FNIP2: variants seen among roughly 807,000 people sequenced by gnomAD.
FNIP2 encodes folliculin-interacting protein 2.
Under a neutral mutation model 108.7 loss-of-function variants are expected in FNIP2, and 32 were observed. That is an observed-to-expected ratio of 0.29 (90% CI 0.22 to 0.40). The LOEUF (loss-of-function observed/expected upper bound fraction) is 0.40. Ranked by LOEUF, FNIP2 falls within the 10% of genes least tolerant of loss-of-function variation. The pLI, the probability that FNIP2 is intolerant of heterozygous loss-of-function variation, is 1.00. For missense variants in FNIP2, 1,202 were observed against 1,381.6 expected, an observed-to-expected ratio of 0.87 and a Z score of 2.06; for synonymous variants, 480 against 496.7, an observed-to-expected ratio of 0.97 and a Z score of 0.45.
chr4:158,776,166 G>C (rs528830183), intron 1 of FNIP2, among the ~76,000 whole-genome samples: 2 of 152,318 alleles, frequency 1.3e-5, no homozygotes, highest in Admixed American at 6.5e-5. Flanking sequence ...AAGTGAGAAT[G>C]AACACTGAGG....
chr4:158,899,708 A>AT (rs1783029187), intron 16 of FNIP2, among the ~76,000 whole-genome samples: 1 of 151,980 alleles, frequency 6.6e-6, no homozygotes, highest in Non-Finnish European at 1.5e-5. Flanking sequence ...CCCCTTTATC[A>AT]TTTTTTGTTG....
intron 14 of FNIP2, 63 bp from the exon 15 acceptor site, chr4:158,891,383 G>A: frequency 6.9e-7 from 1 of 1,458,118 alleles, no homozygotes; most frequent in Non-Finnish European, 9.4e-7. Context: ...TATCAGTAGT[G>A]AAACTTTGAC....
chr4:158,878,951 A>G (rs1781435640), intron 14 of FNIP2, among the ~76,000 whole-genome samples: 1 of 144,568 alleles, frequency 6.9e-6, no homozygotes, highest in Non-Finnish European at 1.5e-5. Context: ...CAGATTAAAT[A>G]CAGCTAAAGA....
Position 158,905,812 on chromosome 4 carries a change from G to T in FNIP2, c.*1268G>T, listed in dbSNP as rs1729788487. On this transcript the variant is annotated 3_prime_UTR_variant, in exon 17 of 17. Transcript: ENST00000264433. The stretch of plus-strand genomic sequence containing the variant: ...TAAAGTAAAAGACTTTTAAATATTG[G>T]TCATTAAAGGACAGGAGCTAAGCTA... 6.6e-6 allele frequency: 1 copy of T among 152,040 alleles called. No homozygotes were observed. The highest frequency in any genetic ancestry group is 2.1e-4 in the South Asian group (1 of 4,822). The allele number at this position is 152,040 out of a possible 1,614,324, so 9.4% of individuals were successfully genotyped here.
At chr4:158,881,430 AC>A in intron 14 of FNIP2, among the ~76,000 whole-genome samples, 1 of 110,736 alleles carries the variant, frequency 9.0e-6, no homozygotes, top group Non-Finnish European at 1.9e-5. Context: ...CTCTCTTTCC[AC>A]GGTCTCCCTC....
chr4:158,890,188 A>G, intron 14 of FNIP2: 3 of 985,366 alleles, frequency 3.0e-6, no homozygotes, highest in Non-Finnish European at 3.6e-6. Context: ...ATAAATGTTG[A>G]ACATCAGACT....
chr4:158,893,594 C>G, intron 15 of FNIP2: 1 of 991,170 alleles, frequency 1.0e-6, no homozygotes, highest in Non-Finnish European at 1.5e-6. Context: ...GACATCTGTC[C>G]TGGGGCAATA....
chr4:158,874,908 G>A (rs902195640), intron 14 of FNIP2, among the ~76,000 whole-genome samples: 13 of 123,590 alleles, frequency 1.1e-4, no homozygotes, highest in African/African-American at 3.5e-4. Context: ...GTGAAACCCC[G>A]TCTCTACTAA....
chr4:158,792,800 C>G (rs1464589802), intron 1 of FNIP2, among the ~76,000 whole-genome samples: 1 of 152,168 alleles, frequency 6.6e-6, no homozygotes, highest in Non-Finnish European at 1.5e-5. Context: ...CTGCAGCACT[C>G]TGCAGCCTTA....
chr4:158,823,432 A>G (rs1444354430), intron 1 of FNIP2, among the ~76,000 whole-genome samples: 2 of 151,970 alleles, frequency 1.3e-5, no homozygotes, highest in African/African-American at 4.8e-5. Flanking sequence ...CGCCTGGCTA[A>G]TTTTTGTATT....
chr4:158,870,248 A>G (rs2126708953), intron 13 of FNIP2, 65 bp from the exon 14 acceptor site: 1 of 1,549,510 alleles, frequency 6.5e-7, no homozygotes, highest in Non-Finnish European at 8.8e-7. Context: ...TGCTTGTACC[A>G]ATTATAATGA....
chr4:158,801,912 T>C (rs956169478), intron 1 of FNIP2, among the ~76,000 whole-genome samples: 1 of 152,194 alleles, frequency 6.6e-6, no homozygotes, highest in African/African-American at 2.4e-5. Flanking sequence ...CAGCCAAGTA[T>C]TGACAGACTT....
chr4:158,857,142 G>A (rs1780030263), intron 8 of FNIP2, among the ~76,000 whole-genome samples: 1 of 152,166 alleles, frequency 6.6e-6, no homozygotes, highest in African/African-American at 2.4e-5. Context: ...ACTGTATTGG[G>A]TTCAGTGTTT....
intron 5 of FNIP2, 120 bp from the exon 6 acceptor site, chr4:158,833,408 A>G: frequency 3.3e-6 from 2 of 609,824 alleles, no homozygotes; most frequent in Admixed American, 6.7e-5. Flanking sequence ...GTTTATAAAG[A>G]AAAGTATTGA....
intron 7 of FNIP2, among the ~76,000 whole-genome samples, chr4:158,845,082 G>A (rs1779327045): frequency 6.6e-6 from 1 of 152,144 alleles, no homozygotes; most frequent in South Asian, 2.1e-4. Context: ...TCTTCTTAAT[G>A]CACAAAACTG....
At chr4:158,857,780 C>CAAAAA (rs35070873) in intron 8 of FNIP2, among the ~76,000 whole-genome samples, 19 of 137,100 alleles carry the variant, frequency 1.4e-4, no homozygotes, top group South Asian at 9.8e-4. Context: ...CCATCTCTAC[C>CAAAAA]AAAAAAAAAA....
intron 12 of FNIP2, among the ~76,000 whole-genome samples, chr4:158,865,220 G>C (rs1009408327): frequency 6.6e-6 from 1 of 152,042 alleles, no homozygotes; most frequent in Non-Finnish European, 1.5e-5. Flanking sequence ...CCATTTCTAA[G>C]TGTACAGTTC....
At chr4:158,885,611 G>A (rs1027932359) in intron 14 of FNIP2, among the ~76,000 whole-genome samples, 6 of 152,154 alleles carry the variant, frequency 3.9e-5, no homozygotes, top group African/African-American at 1.2e-4. Flanking sequence ...ACAGCAGGAC[G>A]AACATTTGAG....
chr4:158,868,469 T>G lies in FNIP2; in HGVS notation c.1833T>G (p.Gly611=). The part of the protein sequence containing the change: ...CPEGTDSRDL[G]LKPDKEANRR... ...AGGGCACTGACAGTAGAGACCTGGG[T>G]CTTAAACCTGACAAAGAAGCTAACA... The change falls in exon 13 of 17, where the codon GGT becomes GGG. Residue 611 remains glycine (G), a synonymous_variant. Coordinates refer to ENST00000264433, the MANE Select transcript of FNIP2 (RefSeq NM_020840.3). The surrounding 1 kb of genome is among the most constrained non-coding windows in gnomAD (Gnocchi z 4.6). The G allele has an allele frequency of 6.2e-7, 1 of 1,613,892 alleles. No homozygotes were observed. The highest frequency in any genetic ancestry group is 1.1e-5 in the South Asian group (1 of 91,072).
Sources: gnomAD v4.1 joint callset for allele counts (sites outside exome capture counted in the v4.1 genomes callset) on GRCh38, gnomAD v4.1.1 for gene constraint, Gnocchi (gnomAD v3.1) non-coding constraint, MANE v1.5 for transcripts, NCBI Gene and HGNC (gene_info 2026-07-23, HGNC 2026-07-21) for gene names.